Variants in LUZP2 observed in about 807,000 individuals in gnomAD.
LUZP2 encodes leucine zipper protein 2.
Under a neutral mutation model 51.6 loss-of-function variants are expected in LUZP2, and 52 were observed. The ratio of observed to expected loss-of-function variants is 1.01; its 90% CI spans 0.81 to 1.27. LUZP2 has a LOEUF of 1.27. Ranked by LOEUF, LUZP2 falls within the 50% of genes most tolerant of loss-of-function variation. The pLI, the probability that LUZP2 is intolerant of heterozygous loss-of-function variation, is 0.00. For synonymous variants in LUZP2, 154 were observed against 137.3 expected (o/e 1.12, Z -0.85); for missense variants, 436 against 395.4 (o/e 1.10, Z -0.87).
At chr11:25,035,288 T>TA (rs909710959) in intron 9 of LUZP2, among the ~76,000 whole-genome samples, 15 of 151,942 alleles carry the variant, frequency 9.9e-5, no homozygotes, top group South Asian at 2.1e-4. Context: ...TAGAAAATCA[T>TA]AAAAAAAACT....
chr11:24,821,365 C>T (rs990272376), intron 5 of LUZP2, among the ~76,000 whole-genome samples: 4 of 152,022 alleles, frequency 2.6e-5, no homozygotes, highest in African/African-American at 4.8e-5. Flanking sequence ...AAGTACATTC[C>T]GTTCTCCAGA....
At chr11:24,878,919 T>A (rs1852364327) in intron 5 of LUZP2, among the ~76,000 whole-genome samples, 1 of 152,004 alleles carries the variant, frequency 6.6e-6, no homozygotes, top group African/African-American at 2.4e-5. Context: ...AGCTTCCAGC[T>A]TCATCCATGT....
At chr11:24,793,419 C>G (rs1223298640) in intron 5 of LUZP2, among the ~76,000 whole-genome samples, 2 of 152,140 alleles carry the variant, frequency 1.3e-5, no homozygotes, top group Non-Finnish European at 2.9e-5. Context: ...TCACCACCTG[C>G]AAACATCTGT....
chr11:24,932,363 C>A (rs1854479379), intron 7 of LUZP2, among the ~76,000 whole-genome samples: 1 of 152,078 alleles, frequency 6.6e-6, no homozygotes, highest in African/African-American at 2.4e-5. Flanking sequence ...ATAGTGCTCC[C>A]ACGAGATTAT....
intron 1 of LUZP2, among the ~76,000 whole-genome samples, chr11:24,509,351 C>G (rs1206075321): frequency 2.6e-5 from 4 of 151,606 alleles, no homozygotes; most frequent in Non-Finnish European, 5.9e-5. Flanking sequence ...CATAACTGTT[C>G]TAGAATTAAC....
At chr11:24,990,088 C>T (rs1168920298) in intron 9 of LUZP2, among the ~76,000 whole-genome samples, 1 of 152,016 alleles carries the variant, frequency 6.6e-6, no homozygotes, top group Non-Finnish European at 1.5e-5. Context: ...TTCTTACAAT[C>T]TGGGCAAGTT....
intron 7 of LUZP2, among the ~76,000 whole-genome samples, chr11:24,915,891 G>C (rs914573058): frequency 1.3e-5 from 2 of 152,060 alleles, no homozygotes; most frequent in Non-Finnish European, 2.9e-5. Flanking sequence ...CTTTGAAAAT[G>C]AGTTGACAAA....
intron 1 of LUZP2, among the ~76,000 whole-genome samples, chr11:24,635,094 T>A (rs1855037482): frequency 6.6e-6 from 1 of 152,038 alleles, no homozygotes; most frequent in South Asian, 2.1e-4. Context: ...TGTACAATGT[T>A]AATGAGATGG....
chr11:24,582,100 T>C (rs940943608), intron 1 of LUZP2, among the ~76,000 whole-genome samples: 5 of 152,138 alleles, frequency 3.3e-5, no homozygotes, highest in African/African-American at 1.2e-4. Flanking sequence ...GTTAGTGAAA[T>C]GGTTCATAAA....
chr11:24,841,560 TC>T (rs1337238687), intron 5 of LUZP2, among the ~76,000 whole-genome samples: 2 of 152,126 alleles, frequency 1.3e-5, no homozygotes, highest in East Asian at 1.9e-4. Flanking sequence ...ATAAAATTTT[TC>T]TGTCTCAATA....
chr11:24,953,934 A>G (rs1855145472), intron 7 of LUZP2, among the ~76,000 whole-genome samples: 1 of 152,100 alleles, frequency 6.6e-6, no homozygotes, highest in Non-Finnish European at 1.5e-5. Context: ...TGGAAGTTAA[A>G]CATTATGTAT....
intron 1 of LUZP2, among the ~76,000 whole-genome samples, chr11:24,635,223 C>T (rs1442307873): frequency 6.6e-6 from 1 of 151,796 alleles, no homozygotes; most frequent in Non-Finnish European, 1.5e-5. Flanking sequence ...AATAAATCTA[C>T]CAATTTCACT....
At chr11:24,616,900 G>C (rs766462836) in intron 1 of LUZP2, among the ~76,000 whole-genome samples, 9 of 152,126 alleles carry the variant, frequency 5.9e-5, no homozygotes, top group Non-Finnish European at 1.3e-4. Flanking sequence ...TTTGGTTGAG[G>C]TTTGTTTTAT....
At chr11:24,860,771 C>G (rs1287250584) in intron 5 of LUZP2, among the ~76,000 whole-genome samples, 1 of 152,104 alleles carries the variant, frequency 6.6e-6, no homozygotes, top group Non-Finnish European at 1.5e-5. Context: ...TCAACGACAA[C>G]AAAAGGCCCC....
At chr11:24,947,615 C>T (rs976415010) in intron 7 of LUZP2, among the ~76,000 whole-genome samples, 2 of 151,778 alleles carry the variant, frequency 1.3e-5, no homozygotes, top group East Asian at 3.9e-4. Context: ...TTTAGTGTTT[C>T]TTGTGAAATA....
chr11:24,800,770 A>G (rs899767438), intron 5 of LUZP2, among the ~76,000 whole-genome samples: 2 of 152,160 alleles, frequency 1.3e-5, no homozygotes, highest in African/African-American at 2.4e-5. Context: ...GAAAGTTAAG[A>G]AAACATAAGA....
intron 9 of LUZP2, among the ~76,000 whole-genome samples, chr11:25,003,601 C>G (rs976621211): frequency 6.6e-6 from 1 of 152,160 alleles, no homozygotes; most frequent in Non-Finnish European, 1.5e-5. Context: ...AAACCTTGAG[C>G]TTTTAAACGT....
chr11:24,858,104 A>AG (rs1393062344), intron 5 of LUZP2, among the ~76,000 whole-genome samples: 1 of 152,134 alleles, frequency 6.6e-6, no homozygotes, highest in African/African-American at 2.4e-5. Flanking sequence ...CCAGGGGGGA[A>AG]GGAAAAAGCA....
chr11:24,542,319 A>G (rs577777721), intron 1 of LUZP2, among the ~76,000 whole-genome samples: 1 of 152,208 alleles, frequency 6.6e-6, no homozygotes, highest in African/African-American at 2.4e-5. Flanking sequence ...CCCAGTGTAC[A>G]TGAGAGAATA....
Sources: allele counts gnomAD v4.1 joint callset (sites outside exome capture counted in the v4.1 genomes callset), GRCh38; gene constraint gnomAD v4.1.1; transcripts MANE v1.5; gene names NCBI Gene and HGNC (gene_info 2026-07-23, HGNC 2026-07-21).